Variants in MINK1 observed in about 807,000 individuals in gnomAD.
The protein encoded by MINK1 is misshapen-like kinase 1.
Under a neutral mutation model 178.4 loss-of-function variants are expected in MINK1, and 46 were observed. That is an observed-to-expected ratio of 0.26 (90% CI 0.20 to 0.33). The LOEUF (loss-of-function observed/expected upper bound fraction) is 0.33. MINK1 is among the 10% of genes least tolerant of loss of function. The pLI, the probability that MINK1 is intolerant of heterozygous loss-of-function variation, is 1.00. For missense variants in MINK1, 1,366 were observed against 1,814.9 expected, an observed-to-expected ratio of 0.75 and a Z score of 4.49; for synonymous variants, 797 against 709.7, an observed-to-expected ratio of 1.12 and a Z score of -1.96.
At chr17:4,859,747 C>T (rs184072315) in intron 1 of MINK1, among the ~76,000 whole-genome samples, 2 of 126,574 alleles carry the variant, frequency 1.6e-5, no homozygotes, top group East Asian at 4.6e-4. Flanking sequence ...TAGATTTTGC[C>T]ATTGCACTCC....
intron 1 of MINK1, among the ~76,000 whole-genome samples, chr17:4,855,669 C>T (rs565192316): frequency 6.7e-6 from 1 of 149,290 alleles, no homozygotes; most frequent in South Asian, 2.1e-4. Flanking sequence ...ACTCGGGAGG[C>T]TGAGGCAGGA....
intron 1 of MINK1, among the ~76,000 whole-genome samples, chr17:4,837,933 T>C (rs1394552196): frequency 1.3e-5 from 2 of 152,026 alleles, no homozygotes; most frequent in Non-Finnish European, 2.9e-5. Flanking sequence ...GTCTTCGCCT[T>C]CCTCCTCTCT....
chr17:4,865,879 AGT>A (rs78335955), intron 1 of MINK1, among the ~76,000 whole-genome samples: 11,294 of 152,186 alleles, frequency 0.074, 455 homozygotes, highest in Non-Finnish European at 0.094. Context: ...TAGGTGACAG[AGT>A]GAGAACCTGT....
chr17:4,892,134 G>T lies in MINK1; in HGVS notation c.2002-15G>T. Reference sequence around the variant, plus strand: ...TCGCAGCGCCAGCTCGCAGCACGTGGACTTCTCTCCACAGGTGCCTCAGAG... The same window carrying T: ...TCGCAGCGCCAGCTCGCAGCACGTGTACTTCTCTCCACAGGTGCCTCAGAG... On this transcript the variant is annotated splice_polypyrimidine_tract_variant and intron_variant, in intron 16 of 31. Coordinates refer to ENST00000355280, the MANE Select transcript of MINK1 (RefSeq NM_153827.5). The T allele has an allele frequency of 1.3e-6, 2 of 1,581,638 alleles. No homozygotes were observed. The highest frequency in any genetic ancestry group is 1.2e-5 in the South Asian group (1 of 86,870).
In MINK1 at chr17:4,886,434, G is replaced by A; in HGVS notation, c.774-17G>A. On this transcript the variant is annotated splice_polypyrimidine_tract_variant and intron_variant, in intron 9 of 31. Transcript: ENST00000355280. The surrounding 1 kb of genome is among the most constrained non-coding windows in gnomAD (Gnocchi z 6.1). ...TTCTGAGGGGACCCTCCCAGTGTGA[G>A]CCACCACTGTTTCCAGGTCTAAGAA... 1 of 1,591,430 alleles carries A rather than the reference G, an allele frequency of 6.3e-7. No homozygotes were observed. Among genetic ancestry groups the A allele is most frequent in the Non-Finnish European group, 8.6e-7 (1 of 1,168,008 alleles).
chr17:4,891,417 TG>T, intron 15 of MINK1, 38 bp from the exon 16 acceptor site: 1 of 1,520,810 alleles, frequency 6.6e-7, no homozygotes, highest in Non-Finnish European at 8.8e-7. Context: ...GGATGTGCCA[TG>T]GAGCAGGCAG....
chr17:4,870,832 AAACT>A lies in MINK1; in HGVS notation c.58-7481_58-7478del, dbSNP rs539294845. Reference sequence around the variant, plus strand: ...AAAGTGAGACCCTGTCTCAAAAAACAAACTAACAAAAATTAAAATAAAATATTTT... The same window carrying A: ...AAAGTGAGACCCTGTCTCAAAAAACAAACAAAAATTAAAATAAAATATTTT... On this transcript the variant is annotated intron_variant, in intron 1 of 31. Coordinates refer to ENST00000355280, the MANE Select transcript of MINK1 (RefSeq NM_153827.5). Among the ~76,000 whole-genome samples, 548 of 152,308 alleles carry A rather than the reference AAACT, an allele frequency of 3.6e-3. 2 individuals carry two copies. Among genetic ancestry groups the A allele is most frequent in the African/African-American group, 0.012 (496 of 41,570 alleles).
chr17:4,894,117 C>T lies in MINK1; in HGVS notation c.2670+24C>T. On this transcript the variant is annotated intron_variant, in intron 22 of 31. Coordinates refer to ENST00000355280, the MANE Select transcript of MINK1 (RefSeq NM_153827.5). The surrounding 1 kb of genome is among the most constrained non-coding windows in gnomAD (Gnocchi z 4.1). ...GCGTGAGTGAGCCTCTGCTCCCTCC[C>T]CTGTACCTGTGTGTGCCCTCCTCAG... 6.2e-7 allele frequency: 1 copy of T among 1,606,538 alleles called. No homozygotes were observed. Among genetic ancestry groups the T allele is most frequent in the Non-Finnish European group, 8.5e-7 (1 of 1,175,396 alleles).
chr17:4,872,760 T>C (rs1916006096), intron 1 of MINK1, among the ~76,000 whole-genome samples: 1 of 152,096 alleles, frequency 6.6e-6, no homozygotes, highest in Admixed American at 6.5e-5. Context: ...TGACAGAGAC[T>C]CTGTCTCAGA....
In MINK1 at chr17:4,887,536, A is replaced by G; in HGVS notation, c.1020-44A>G. On this transcript the variant is annotated intron_variant, in intron 11 of 31. Transcript: ENST00000355280. This position sits in a 1 kb window ranked among gnomAD's most constrained non-coding sequence, Gnocchi z 7.6. ...CCCACGGGGTTGAGAGTGGGAACCA[A>G]CAGGGTTCTGACCCCAGTGCTTCTT... 6.9e-7 allele frequency: 1 copy of G among 1,452,374 alleles called. No individual in the cohort carries two copies. The allele number at this position is 1,452,374 out of a possible 1,614,324, so 90.0% of individuals were successfully genotyped here.
chr17:4,844,855 TTAAGTA>T (rs1414345775), intron 1 of MINK1, among the ~76,000 whole-genome samples: 1 of 152,206 alleles, frequency 6.6e-6, no homozygotes, highest in Non-Finnish European at 1.5e-5. Flanking sequence ...TTTAATGTGA[TTAAGTA>T]TATGTAAGAC....
chr17:4,849,618 G>A (rs1911611314), intron 1 of MINK1, among the ~76,000 whole-genome samples: 1 of 152,168 alleles, frequency 6.6e-6, no homozygotes, highest in Non-Finnish European at 1.5e-5. Context: ...TGTTGCCCAG[G>A]CTGGAGTGCA....
chr17:4,869,474 G>A (rs1028079016), intron 1 of MINK1, among the ~76,000 whole-genome samples: 17 of 150,182 alleles, frequency 1.1e-4, no homozygotes, highest in South Asian at 6.3e-4. Context: ...ACGGGGTCTC[G>A]CCATGTTGCT....
chr17:4,893,215 T>TTCCTAACCTCTC lies in MINK1; in HGVS notation c.2400+174_2401-182dup, dbSNP rs147352769. On this transcript the variant is annotated intron_variant, in intron 20 of 31. Transcript: ENST00000355280. ...CTGGTGCTTCTCATGGTGCTAACCT[T>TTCCTAACCTCTC]TCCTAACCTCTCTCCTAACCTCTCT... is the stretch of plus-strand genomic sequence containing the variant. 3.5e-3 allele frequency: 5,611 copies of TTCCTAACCTCTC among 1,593,294 alleles called. 39 individuals carry two copies. The highest frequency in any genetic ancestry group is 0.013 in the Middle Eastern group (80 of 6,010).
At chr17:4,848,049 G>A (rs1911303993) in intron 1 of MINK1, among the ~76,000 whole-genome samples, 1 of 152,044 alleles carries the variant, frequency 6.6e-6, no homozygotes, top group African/African-American at 2.4e-5. Flanking sequence ...GAGAGAGGAA[G>A]AAGGAGGGAG....
rs148412239 is a variant in MINK1, at chr17:4,851,541, A to G, written c.57+17901A>G. On this transcript the variant is annotated intron_variant, in intron 1 of 31. Coordinates refer to ENST00000355280, the MANE Select transcript of MINK1 (RefSeq NM_153827.5). ...TTCTTTGGCCCTTCTCACCCAGCCCAGCCTCTGCCCGTTTCCTTCTCCTTT... is the reference window on the plus strand; with the variant it reads ...TTCTTTGGCCCTTCTCACCCAGCCCGGCCTCTGCCCGTTTCCTTCTCCTTT... 1.4e-4 allele frequency among the ~76,000 whole-genome samples: 22 copies of G among 152,124 alleles called. No homozygotes were observed. The East Asian group carries it at 4.2e-3, about 29-fold the overall frequency.
intron 12 of MINK1, 151 bp from the exon 13 acceptor site, chr17:4,889,496 G>C: frequency 2.9e-6 from 2 of 699,920 alleles, no homozygotes; most frequent in South Asian, 3.3e-5. Context: ...GCCCTTGGGT[G>C]GGGATGGGTA....
intron 21 of MINK1, 161 bp downstream of exon 21, chr17:4,893,758 C>T (rs1969123490): frequency 8.6e-7 from 1 of 1,162,070 alleles, no homozygotes. Context: ...TCCCGCTGCC[C>T]TGTGTGTTGT....
Position 4,887,437 on chromosome 17 carries a change from G to A in MINK1, c.1020-143G>A. 3 of 809,862 alleles carry A rather than the reference G, an allele frequency of 3.7e-6. No individual in the cohort carries two copies. Among genetic ancestry groups the A allele is most frequent in the Non-Finnish European group, 5.8e-6 (3 of 516,666 alleles). The allele number at this position is 809,862 out of a possible 1,614,324, so 50.2% of individuals were successfully genotyped here. On this transcript the variant is annotated intron_variant, in intron 11 of 31. Transcript: ENST00000355280. This position sits in a 1 kb window ranked among gnomAD's most constrained non-coding sequence, Gnocchi z 7.6. ...GACTGAAGACTGGGCAGAAGGGGAC[G>A]GTAAGTCTCCTGGCCACCTGGGAGT...
Sources: allele counts gnomAD v4.1 joint callset (sites outside exome capture counted in the v4.1 genomes callset), GRCh38; gene constraint gnomAD v4.1.1; non-coding constraint Gnocchi (gnomAD v3.1); transcripts MANE v1.5; gene names NCBI Gene and HGNC (gene_info 2026-07-23, HGNC 2026-07-21).